The following RAB3GAP1 variants were observed in gnomAD, a reference collection of about 807,000 sequenced individuals.
The protein encoded by RAB3GAP1 is RAB3 GTPase activating protein catalytic subunit 1.
In RAB3GAP1, 86 loss-of-function variants were observed where a neutral mutation model predicts 130.7. The observed-to-expected ratio is 0.66, with a 90% CI of 0.55 to 0.79. RAB3GAP1 has a LOEUF of 0.79. Among genes scored for constraint, RAB3GAP1 ranks in the 30% least tolerant of loss-of-function variants. The probability of loss-of-function intolerance (pLI) is 0.00; values close to 1 mark genes in which losing one functional copy is unlikely to be tolerated. For synonymous variants in RAB3GAP1, 367 were observed against 401.7 expected (o/e 0.91, Z 1.03); for missense variants, 1,029 against 1,169.4 (o/e 0.88, Z 1.75).
intron 6 of RAB3GAP1, among the ~76,000 whole-genome samples, chr2:135,113,696 G>A (rs1241747224): frequency 1.3e-5 from 2 of 151,966 alleles, no homozygotes; most frequent in African/African-American, 4.8e-5. Context: ...AACCTCCACT[G>A]GTTCTGAAGA....
chr2:135,088,015 G>A (rs1230963952), intron 3 of RAB3GAP1, among the ~76,000 whole-genome samples: 1 of 152,156 alleles, frequency 6.6e-6, no homozygotes, highest in Non-Finnish European at 1.5e-5. Flanking sequence ...TTAGAGTGTT[G>A]TTTATCAGTT....
chr2:135,081,224 G>A (rs1197895444), intron 3 of RAB3GAP1, among the ~76,000 whole-genome samples: 1 of 145,600 alleles, frequency 6.9e-6, no homozygotes, highest in Non-Finnish European at 1.5e-5. Flanking sequence ...GGAGAATGGC[G>A]TGAACCCGGG....
chr2:135,137,615 A>C (rs1156588718), intron 17 of RAB3GAP1, among the ~76,000 whole-genome samples: 1 of 152,204 alleles, frequency 6.6e-6, no homozygotes, highest in Admixed American at 6.5e-5. Context: ...CACAACATGG[A>C]ATTACTTGAA....
chr2:135,164,566 C>T (rs1460646354), intron 22 of RAB3GAP1, 28 bp from the exon 23 acceptor site: 1 of 1,557,046 alleles, frequency 6.4e-7, no homozygotes, highest in Non-Finnish European at 8.9e-7. Context: ...CACTTTCCAC[C>T]CTTTCATTGC....
intron 5 of RAB3GAP1, among the ~76,000 whole-genome samples, chr2:135,103,035 A>ATTTTTTTTTTT (rs539310402): frequency 0.021 from 1,946 of 90,868 alleles, 199 homozygotes; most frequent in African/African-American, 0.045. Flanking sequence ...CATTTTTGTG[A>ATTTTTTTTTTT]TTTTTTTTTT....
intron 5 of RAB3GAP1, among the ~76,000 whole-genome samples, chr2:135,109,398 T>C (rs1389720372): frequency 6.6e-6 from 1 of 152,064 alleles, no homozygotes; most frequent in Non-Finnish European, 1.5e-5. Context: ...AATATTTAGA[T>C]TGTTTCTAGA....
At chr2:135,103,068 C>T (rs1180504040) in intron 5 of RAB3GAP1, among the ~76,000 whole-genome samples, 2 of 100,154 alleles carry the variant, frequency 2.0e-5, no homozygotes, top group African/African-American at 5.8e-5. Flanking sequence ...GACGGAGTCT[C>T]GCTGTATTGC....
At chr2:135,165,238 A>C in intron 23 of RAB3GAP1, 1 of 439,106 alleles carries the variant, frequency 2.3e-6, no homozygotes. Flanking sequence ...TTGAAAAATT[A>C]TCATAACCAT....
At chr2:135,117,498 T>TCTG (rs1691019537) in intron 7 of RAB3GAP1, among the ~76,000 whole-genome samples, 17 of 72,808 alleles carry the variant, frequency 2.3e-4, no homozygotes, top group African/African-American at 8.2e-4. Context: ...TTCTTCTGCT[T>TCTG]CTTCTTCTTC....
chr2:135,077,268 TCAA>T (rs111433011), intron 3 of RAB3GAP1, among the ~76,000 whole-genome samples: 30,081 of 151,362 alleles, frequency 0.2, 3,733 homozygotes, highest in South Asian at 0.37. Flanking sequence ...AGACTCCATC[TCAA>T]CAACAACAAC....
rs749258475 is a variant in RAB3GAP1 at position 135,164,678 on chromosome 2, G to A, written c.2691G>A (p.Leu897=). The change falls in exon 23 of 24, where the codon CTG becomes CTA. Residue 897 remains leucine, a synonymous_variant. Transcript: ENST00000264158. ...ATGCTGGCAGGATCATTCACAAGCT[G>A]TTTGTGAATGCCCAGAGGGTATGTG... The part of the protein sequence containing the change: ...RGHAGRIIHK[L]FVNAQRAAAM... 3.1e-6 allele frequency: 5 copies of A among 1,609,010 alleles called. No individual in the cohort carries two copies. In the South Asian group the frequency reaches 5.5e-5, roughly 18 times the overall value.
chr2:135,100,502 A>G (rs1032651543), intron 5 of RAB3GAP1, among the ~76,000 whole-genome samples: 1 of 152,120 alleles, frequency 6.6e-6, no homozygotes, highest in African/African-American at 2.4e-5. Context: ...CAGCATTGTC[A>G]TATTTGATCA....
rs1455864845 is a variant in RAB3GAP1 at position 135,111,921 on chromosome 2, A to T, written c.363-1230A>T. On this transcript the variant is annotated intron_variant, in intron 5 of 23. Coordinates refer to ENST00000264158, the MANE Select transcript of RAB3GAP1 (RefSeq NM_012233.3). Reference sequence around the variant, plus strand: ...TTTTAGTAAAAATCCTTCCATTAAAAATAAACATTTAAATTACTCAACTAT... The same window carrying T: ...TTTTAGTAAAAATCCTTCCATTAAATATAAACATTTAAATTACTCAACTAT... Among the ~76,000 whole-genome samples, 14 of 152,258 alleles carry T rather than the reference A, an allele frequency of 9.2e-5. 1 individual carries two copies. The highest frequency in any genetic ancestry group is 2.9e-5 in the Non-Finnish European group (2 of 68,042).
At chr2:135,143,556 CTTTTT>C (rs770650929) in intron 17 of RAB3GAP1, among the ~76,000 whole-genome samples, 5 of 135,094 alleles carry the variant, frequency 3.7e-5, no homozygotes, top group African/African-American at 1.4e-4. Flanking sequence ...TAACATGCTA[CTTTTT>C]TTTTTTTTTT....
rs769853680 is a variant in RAB3GAP1 at position 135,116,122 on chromosome 2, ACACTATCT to A, written c.648+753_648+760del. On this transcript the variant is annotated intron_variant, in intron 7 of 23. Transcript: ENST00000264158. Reference sequence around the variant, plus strand: ...TGGAGTATGTTAAGTGCTAAACATGACACTATCTCACTATCTCACAGTTGATTAATAAA... The same window carrying A: ...TGGAGTATGTTAAGTGCTAAACATGACACTATCTCACAGTTGATTAATAAA... 6.6e-5 allele frequency among the ~76,000 whole-genome samples: 10 copies of A among 152,282 alleles called. No individual in the cohort carries two copies. In the East Asian group the frequency reaches 1.3e-3, roughly 21 times the overall value.
intron 17 of RAB3GAP1, among the ~76,000 whole-genome samples, chr2:135,140,683 T>C (rs1691813455): frequency 2.0e-5 from 3 of 152,292 alleles, no homozygotes; most frequent in South Asian, 2.1e-4. Context: ...GCAGTGGGAG[T>C]TATCAGTAGG....
At chr2:135,105,805 G>A (rs1156518577) in intron 5 of RAB3GAP1, among the ~76,000 whole-genome samples, 2 of 151,490 alleles carry the variant, frequency 1.3e-5, no homozygotes, top group Admixed American at 6.6e-5. Flanking sequence ...CTGCCTGGCC[G>A]CCCATCGTCT....
chr2:135,114,457 C>T (rs561690316), intron 6 of RAB3GAP1, among the ~76,000 whole-genome samples: 20 of 152,220 alleles, frequency 1.3e-4, no homozygotes, highest in African/African-American at 4.8e-4. Context: ...GGATTATTAA[C>T]TTGGGGATAT....
chr2:135,150,641 A>T, intron 18 of RAB3GAP1, 135 bp downstream of exon 18: 1 of 1,131,864 alleles, frequency 8.8e-7, no homozygotes, highest in Non-Finnish European at 1.3e-6. Context: ...GTAGTTCAAC[A>T]CTCTGCCACC....
Sources: allele counts gnomAD v4.1 joint callset (sites outside exome capture counted in the v4.1 genomes callset), GRCh38; gene constraint gnomAD v4.1.1; transcripts MANE v1.5; gene names NCBI Gene and HGNC (gene_info 2026-07-23, HGNC 2026-07-21).